The following C8orf34 variants were observed in gnomAD, a reference collection of about 807,000 sequenced individuals.
The protein encoded by C8orf34 is chromosome 8 open reading frame 34, also known as uncharacterized protein C8orf34.
In C8orf34, 65 loss-of-function variants were observed where a neutral mutation model predicts 68.3. The observed-to-expected ratio is 0.95, with a 90% CI of 0.78 to 1.17. C8orf34 has a LOEUF of 1.17. Among genes scored for constraint, C8orf34 ranks in the 50% most tolerant of loss-of-function variants. The pLI, the probability that C8orf34 is intolerant of heterozygous loss-of-function variation, is 0.00. For missense variants in C8orf34, 664 were observed against 655.4 expected (o/e 1.01, Z -0.14); for synonymous variants, 244 against 241.2 (o/e 1.01, Z -0.11).
intron 5 of C8orf34, among the ~76,000 whole-genome samples, chr8:68,496,162 C>G (rs953996520): frequency 6.6e-6 from 1 of 152,116 alleles, no homozygotes; most frequent in Non-Finnish European, 1.5e-5. Context: ...TGTTCATGCT[C>G]ACAAAAATTG....
chr8:68,708,638 G>A (rs1296921356), intron 8 of C8orf34, among the ~76,000 whole-genome samples: 3 of 152,180 alleles, frequency 2.0e-5, no homozygotes, highest in African/African-American at 7.2e-5. Context: ...AGACCCTGAT[G>A]TTAGGTGAGC....
intron 10 of C8orf34, among the ~76,000 whole-genome samples, chr8:68,766,959 G>A (rs182090243): frequency 2.2e-4 from 34 of 152,238 alleles, no homozygotes; most frequent in Middle Eastern, 6.8e-3. Context: ...TGAGGTGTGC[G>A]GATGACCTGA....
intron 8 of C8orf34, among the ~76,000 whole-genome samples, chr8:68,668,201 A>G (rs1819899228): frequency 6.6e-6 from 1 of 152,140 alleles, no homozygotes; most frequent in Non-Finnish European, 1.5e-5. Context: ...TTTTATTTTG[A>G]GCCTCCATTC....
At chr8:68,507,398 A>G (rs1340099577) in intron 5 of C8orf34, among the ~76,000 whole-genome samples, 2 of 152,184 alleles carry the variant, frequency 1.3e-5, no homozygotes, top group African/African-American at 4.8e-5. Flanking sequence ...ACATGAGATA[A>G]TCAGATTAAA....
At chr8:68,381,377 C>T (rs1308548441) in intron 1 of C8orf34, among the ~76,000 whole-genome samples, 2 of 152,174 alleles carry the variant, frequency 1.3e-5, no homozygotes, top group East Asian at 3.8e-4. Context: ...TTGGAGTACT[C>T]TGTTATCATT....
intron 9 of C8orf34, among the ~76,000 whole-genome samples, chr8:68,716,376 A>G (rs924836404): frequency 2.0e-5 from 3 of 152,188 alleles, no homozygotes; most frequent in African/African-American, 7.2e-5. Flanking sequence ...ACATATTTGC[A>G]ATGTAATTGC....
At chr8:68,754,507 A>G (rs1822796549) in intron 10 of C8orf34, among the ~76,000 whole-genome samples, 1 of 152,218 alleles carries the variant, frequency 6.6e-6, no homozygotes, top group African/African-American at 2.4e-5. Flanking sequence ...TTGAGGCCAA[A>G]GAAGACATTA....
chr8:68,811,602 C>T (rs989982345), intron 12 of C8orf34, among the ~76,000 whole-genome samples: 5 of 152,190 alleles, frequency 3.3e-5, no homozygotes, highest in Non-Finnish European at 5.9e-5. Flanking sequence ...TAAATAGATC[C>T]GCCAAATCTC....
At chr8:68,462,587 C>G (rs1034568278) in intron 3 of C8orf34, among the ~76,000 whole-genome samples, 6 of 151,762 alleles carry the variant, frequency 4.0e-5, no homozygotes, top group African/African-American at 1.2e-4. Flanking sequence ...TTATAACACA[C>G]TGTCTCTCAG....
chr8:68,656,773 T>C (rs778477881), intron 8 of C8orf34, among the ~76,000 whole-genome samples: 16 of 152,178 alleles, frequency 1.1e-4, no homozygotes, highest in Non-Finnish European at 2.2e-4. Context: ...TCTGCCTTCC[T>C]GGATCCAATC....
At position 68,453,005 on chromosome 8, in the gene C8orf34, C is replaced by T. The variant is rs142744237; in HGVS notation, c.607+6545C>T. Among the ~76,000 whole-genome samples, 327 of 151,932 alleles carry T rather than the reference C, an allele frequency of 2.2e-3. 1 individual carries two copies. Among genetic ancestry groups the T allele is most frequent in the African/African-American group, 7.1e-3 (294 of 41,492 alleles). ...TGTGGATAATCAGTTGTCTCAGTACCAATTTTTTGAAAATACTATTCTTTC... is the reference window on the plus strand; with the variant it reads ...TGTGGATAATCAGTTGTCTCAGTACTAATTTTTTGAAAATACTATTCTTTC... On this transcript the variant is annotated intron_variant, in intron 3 of 13. Transcript: ENST00000518698.
At chr8:68,453,197 A>G (rs1215218339) in intron 3 of C8orf34, among the ~76,000 whole-genome samples, 19 of 151,980 alleles carry the variant, frequency 1.3e-4, no homozygotes, top group Non-Finnish European at 5.9e-5. Flanking sequence ...TGAAATTGGG[A>G]AGTATGAGTC....
intron 9 of C8orf34, among the ~76,000 whole-genome samples, chr8:68,709,978 G>C (rs1031416175): frequency 3.9e-5 from 6 of 152,048 alleles, no homozygotes; most frequent in Non-Finnish European, 8.8e-5. Flanking sequence ...CTTACACCTG[G>C]ATTGAGAAGG....
chr8:68,421,850 C>G (rs1356976782), intron 1 of C8orf34, among the ~76,000 whole-genome samples: 1 of 152,124 alleles, frequency 6.6e-6, no homozygotes, highest in Non-Finnish European at 1.5e-5. Context: ...GATGGGGAGT[C>G]CTCAAGTAAC....
At chr8:68,506,029 C>T (rs1052676287) in intron 5 of C8orf34, among the ~76,000 whole-genome samples, 1 of 152,110 alleles carries the variant, frequency 6.6e-6, no homozygotes, top group Non-Finnish European at 1.5e-5. Context: ...GTAGCCAACT[C>T]CATCTCTATT....
chr8:68,334,600 T>G (rs1484199871), intron 1 of C8orf34, among the ~76,000 whole-genome samples: 1 of 152,112 alleles, frequency 6.6e-6, no homozygotes, highest in Non-Finnish European at 1.5e-5. Context: ...CACAAGAGTG[T>G]GAAATCTTAA....
chr8:68,493,237 A>C (rs899572405), intron 5 of C8orf34, among the ~76,000 whole-genome samples: 1 of 152,224 alleles, frequency 6.6e-6, no homozygotes, highest in Non-Finnish European at 1.5e-5. Flanking sequence ...ACATCTGATA[A>C]GAAGTTAGTG....
chr8:68,795,467 G>T (rs1044172713), intron 12 of C8orf34, among the ~76,000 whole-genome samples: 1 of 152,054 alleles, frequency 6.6e-6, no homozygotes, highest in Non-Finnish European at 1.5e-5. Context: ...TTCTCCTAGG[G>T]TTTGTTATTG....
At chr8:68,480,592 A>G (rs934874206) in intron 4 of C8orf34, among the ~76,000 whole-genome samples, 1 of 152,194 alleles carries the variant, frequency 6.6e-6, no homozygotes, top group Non-Finnish European at 1.5e-5. Flanking sequence ...TGGCTTTGAC[A>G]AAAATACCGA....
Sources: allele counts gnomAD v4.1 joint callset (sites outside exome capture counted in the v4.1 genomes callset), GRCh38; gene constraint gnomAD v4.1.1; transcripts MANE v1.5; gene names NCBI Gene and HGNC (gene_info 2026-07-23, HGNC 2026-07-21).